Variants in ADAM7 observed in about 807,000 individuals in gnomAD.
ADAM7 encodes the protein disintegrin and metalloproteinase domain-containing protein 7.
Under a neutral mutation model 102.9 loss-of-function variants are expected in ADAM7, and 97 were observed. The ratio of observed to expected loss-of-function variants is 0.94; its 90% CI spans 0.80 to 1.12. The LOEUF (loss-of-function observed/expected upper bound fraction) is 1.12. Ranked by LOEUF, ADAM7 falls within the 50% of genes most tolerant of loss-of-function variation. ADAM7 has a pLI of 0.00. For synonymous variants in ADAM7, 334 were observed against 304.4 expected (o/e 1.10, Z -1.01); for missense variants, 991 against 908.7 (o/e 1.09, Z -1.16).
At chr8:24,453,511 T>G (rs1818882046) in intron 3 of ADAM7, among the ~76,000 whole-genome samples, 1 of 152,358 alleles carries the variant, frequency 6.6e-6, no homozygotes, top group East Asian at 1.9e-4. Context: ...TCAGCTCCTT[T>G]AAGCACTTCT....
rs192542461 is a variant in ADAM7 at position 24,495,480 on chromosome 8, C to T, written c.1842+2251C>T. Among the ~76,000 whole-genome samples the T allele has an allele frequency of 3.3e-4, 50 of 151,294 alleles. 1 individual carries two copies. The highest frequency in any genetic ancestry group is 6.6e-4 in the African/African-American group (27 of 41,200). On this transcript the variant is annotated intron_variant, in intron 16 of 21. Transcript: ENST00000175238. ...TAAGAGCCAAATGGAAATTTTAGAA[C>T]GGAAAAATTACAATACTGGAATAAA...
At chr8:24,504,378 A>G (rs911358683) in intron 20 of ADAM7, among the ~76,000 whole-genome samples, 1 of 151,994 alleles carries the variant, frequency 6.6e-6, no homozygotes, top group Admixed American at 6.6e-5. Flanking sequence ...AAAAAACAAC[A>G]ATATCAACAA....
intron 2 of ADAM7, among the ~76,000 whole-genome samples, chr8:24,444,731 C>G (rs1602652): frequency 1 from 151,800 of 151,874 alleles, 75,863 homozygotes; most frequent in Non-Finnish European, 1. Flanking sequence ...TGTGAGACTT[C>G]AGGAGGCTAA....
intron 4 of ADAM7, among the ~76,000 whole-genome samples, chr8:24,465,291 G>A (rs7465397): frequency 2.6e-5 from 4 of 152,102 alleles, no homozygotes; most frequent in Non-Finnish European, 4.4e-5. Context: ...GACTACCATG[G>A]GCAGAGCATC....
Position 24,500,823 on chromosome 8 carries a change from T to G in ADAM7, c.2036T>G (p.Val679Gly). Residue 679 changes from valine (V) to glycine (G), a missense_variant, in exon 19 of 22, where the codon GTT becomes GGT. Transcript: ENST00000175238. ...ATCTTGGTTGTTGTGCTTGTCCTGGTTATTGTCGGTATCGGAGTTCTTATA... is the reference window on the plus strand; with the variant it reads ...ATCTTGGTTGTTGTGCTTGTCCTGGGTATTGTCGGTATCGGAGTTCTTATA... ...ITILVVVLVL[V>G]IVGIGVLILL... 1 of 1,613,488 alleles carries G rather than the reference T, an allele frequency of 6.2e-7. No individual in the cohort carries two copies. Among genetic ancestry groups the G allele is most frequent in the East Asian group, 2.2e-5 (1 of 44,842 alleles).
intron 9 of ADAM7, among the ~76,000 whole-genome samples, chr8:24,482,700 G>A (rs1333718399): frequency 6.6e-6 from 1 of 152,046 alleles, no homozygotes; most frequent in Admixed American, 6.6e-5. Flanking sequence ...CATGAGCTGT[G>A]GTTGTGCCAC....
At chr8:24,462,394 A>T (rs930518282) in intron 3 of ADAM7, among the ~76,000 whole-genome samples, 1 of 152,186 alleles carries the variant, frequency 6.6e-6, no homozygotes, top group African/African-American at 2.4e-5. Context: ...CTTTTCAAAT[A>T]AGAACAACTG....
chr8:24,476,350 A>G, intron 7 of ADAM7, 83 bp from the exon 8 acceptor site: 2 of 1,030,572 alleles, frequency 1.9e-6, no homozygotes, highest in Non-Finnish European at 2.8e-6. Context: ...TTTCTTTGTA[A>G]TAGCTGATGA....
intron 8 of ADAM7, among the ~76,000 whole-genome samples, chr8:24,480,489 G>A (rs1208900211): frequency 6.6e-6 from 1 of 152,040 alleles, no homozygotes; most frequent in Non-Finnish European, 1.5e-5. Flanking sequence ...ACTATAAAGA[G>A]CAGTTCAACT....
chr8:24,443,196 C>G (rs1032784395), intron 2 of ADAM7, among the ~76,000 whole-genome samples: 4 of 152,036 alleles, frequency 2.6e-5, no homozygotes, highest in Non-Finnish European at 5.9e-5. Context: ...GATTTTTAAG[C>G]CTTAGGTTTT....
At chr8:24,507,668 A>T (rs1585942412) in intron 21 of ADAM7, 133 bp downstream of exon 21, 6 of 543,602 alleles carry the variant, frequency 1.1e-5, no homozygotes, top group East Asian at 8.8e-5. Context: ...GAAGGTTAGA[A>T]TTTTTTTTTT....
chr8:24,489,961 A>G (rs373811514), intron 12 of ADAM7, among the ~76,000 whole-genome samples: 1 of 152,192 alleles, frequency 6.6e-6, no homozygotes, highest in South Asian at 2.1e-4. Context: ...ATGAATCACC[A>G]GGGGACATTG....
rs373914119 is a variant in ADAM7 at position 24,509,426 on chromosome 8, G to C, written c.*880G>C. The C allele has an allele frequency of 1.0e-4, 103 of 985,312 alleles. No homozygotes were observed. In the African/African-American group the frequency reaches 1.6e-3, roughly 15 times the overall value. 61.0% of individuals were successfully genotyped at this position (985,312 alleles called of 1,614,324 possible). On this transcript the variant is annotated 3_prime_UTR_variant, in exon 22 of 22. Coordinates refer to ENST00000175238, the MANE Select transcript of ADAM7 (RefSeq NM_003817.4). ...CAGATGCCTCTCAAGGTGTTCTTTTGTGTCCTCTATTTTCTTCTTGTGAAC... is the reference window on the plus strand; with the variant it reads ...CAGATGCCTCTCAAGGTGTTCTTTTCTGTCCTCTATTTTCTTCTTGTGAAC...
chr8:24,506,006 A>G, intron 20 of ADAM7: 2 of 1,034,628 alleles, frequency 1.9e-6, no homozygotes, highest in Non-Finnish European at 2.9e-6. Flanking sequence ...TAGGATAACA[A>G]TCTACACAAG....
chr8:24,500,177 G>A lies in ADAM7; in HGVS notation c.1924-1G>A. On this transcript the variant is annotated splice_acceptor_variant, in intron 17 of 21. Transcript: ENST00000175238. LOFTEE classifies it high-confidence loss of function. ...GAATATATCATTGACTGCTCTTCCA[G>A]GTGGATGGCCACGGACTCCAGTGCC... The A allele has an allele frequency of 1.2e-6, 2 of 1,609,682 alleles. No homozygotes were observed. Among genetic ancestry groups the A allele is most frequent in the Non-Finnish European group, 1.7e-6 (2 of 1,177,118 alleles).
At chr8:24,447,161 T>A in intron 2 of ADAM7, 25 bp from the exon 3 acceptor site, 1 of 1,416,514 alleles carries the variant, frequency 7.1e-7, no homozygotes, top group Non-Finnish European at 9.8e-7. Flanking sequence ...CATGTTGAAG[T>A]CACGTGATGC....
chr8:24,460,083 A>AT (rs36067284), intron 3 of ADAM7, among the ~76,000 whole-genome samples: 2 of 151,838 alleles, frequency 1.3e-5, no homozygotes, highest in East Asian at 3.9e-4. Context: ...GATTTGTTTG[A>AT]TTTTTTTAAA....
intron 7 of ADAM7, among the ~76,000 whole-genome samples, chr8:24,474,970 A>G (rs1323863953): frequency 6.6e-6 from 1 of 152,118 alleles, no homozygotes; most frequent in Admixed American, 6.6e-5. Flanking sequence ...CAGATAAAAT[A>G]AGGAAACCAA....
intron 3 of ADAM7, among the ~76,000 whole-genome samples, chr8:24,454,672 C>T (rs1466631916): frequency 6.6e-6 from 1 of 152,096 alleles, no homozygotes; most frequent in Admixed American, 6.5e-5. Context: ...TGTCCTGCGC[C>T]CACTGTCTGG....
Sources: gnomAD v4.1 joint callset for allele counts (sites outside exome capture counted in the v4.1 genomes callset) on GRCh38, gnomAD v4.1.1 for gene constraint, MANE v1.5 for transcripts, NCBI Gene and HGNC (gene_info 2026-07-23, HGNC 2026-07-21) for gene names.